The following PROM1 variants were observed in gnomAD, a reference collection of about 807,000 sequenced individuals.
PROM1 encodes prominin 1, also known as prominin-1.
In PROM1, 105 loss-of-function variants were observed where a neutral mutation model predicts 116.9. The observed-to-expected ratio is 0.90, with a 90% CI of 0.77 to 1.06. The LOEUF is 1.06. PROM1 is among the 50% of genes least tolerant of loss of function. The pLI, the probability that PROM1 is intolerant of heterozygous loss-of-function variation, is 0.00. For synonymous variants in PROM1, 393 were observed against 387.0 expected, an observed-to-expected ratio of 1.02 and a Z score of -0.18; for missense variants, 1,122 against 1,045.2, an observed-to-expected ratio of 1.07 and a Z score of -1.01.
intron 6 of PROM1, among the ~76,000 whole-genome samples, chr4:16,024,842 A>G (rs1730840018): frequency 6.6e-6 from 1 of 152,220 alleles, no homozygotes; most frequent in African/African-American, 2.4e-5. Context: ...TGTACAAGTG[A>G]TGGAAAGTTA....
intron 4 of PROM1, among the ~76,000 whole-genome samples, chr4:16,035,500 G>A (rs1390857135): frequency 6.6e-6 from 1 of 152,188 alleles, no homozygotes; most frequent in Non-Finnish European, 1.5e-5. Flanking sequence ...ACTAGACGAA[G>A]GCCTGTCACT....
chr4:15,999,485 A>T (rs935962703), intron 14 of PROM1, among the ~76,000 whole-genome samples: 2 of 151,604 alleles, frequency 1.3e-5, no homozygotes, highest in East Asian at 1.9e-4. Context: ...AAAAAAAAAA[A>T]TTCACACACT....
chr4:15,990,385 C>A (rs1232060641), intron 18 of PROM1, among the ~76,000 whole-genome samples: 1 of 152,184 alleles, frequency 6.6e-6, no homozygotes, highest in African/African-American at 2.4e-5. Context: ...TAGTCACCAA[C>A]CAGCAGAGGA....
chr4:15,986,708 G>T (rs1050839791), intron 20 of PROM1, among the ~76,000 whole-genome samples: 1 of 152,216 alleles, frequency 6.6e-6, no homozygotes, highest in Admixed American at 6.5e-5. Context: ...CCTGGCATGA[G>T]ACACACACCT....
intron 2 of PROM1, among the ~76,000 whole-genome samples, chr4:16,040,029 C>T (rs1734834718): frequency 6.6e-6 from 1 of 152,134 alleles, no homozygotes; most frequent in Non-Finnish European, 1.5e-5. Flanking sequence ...CTTCCCGCCA[C>T]CTGTACACTC....
intron 13 of PROM1, among the ~76,000 whole-genome samples, chr4:16,004,961 C>CTT (rs1725006337): frequency 1.3e-5 from 1 of 79,158 alleles, no homozygotes. Flanking sequence ...TTCTCGCTCT[C>CTT]TCTTTTTTTT....
chr4:15,999,892 C>A (rs1723319678), intron 14 of PROM1, among the ~76,000 whole-genome samples: 1 of 151,762 alleles, frequency 6.6e-6, no homozygotes, highest in Non-Finnish European at 1.5e-5. Context: ...CAGACACTTA[C>A]AACAAAATTT....
chr4:15,982,075 G>T (rs1033695692), intron 23 of PROM1, among the ~76,000 whole-genome samples: 2 of 152,230 alleles, frequency 1.3e-5, no homozygotes, highest in African/African-American at 4.8e-5. Flanking sequence ...GTCACGGGCT[G>T]AATGCCACTC....
chr4:16,054,803 C>T (rs945948109), intron 2 of PROM1, among the ~76,000 whole-genome samples: 1 of 152,146 alleles, frequency 6.6e-6, no homozygotes, highest in African/African-American at 2.4e-5. Flanking sequence ...TCTGCTGATG[C>T]TATTTCCCCA....
intron 2 of PROM1, among the ~76,000 whole-genome samples, chr4:16,059,336 C>G (rs1237213493): frequency 2.0e-5 from 3 of 152,168 alleles, no homozygotes; most frequent in Admixed American, 1.3e-4. Flanking sequence ...ATTCAGTGAG[C>G]TGTTTCTGCA....
intron 16 of PROM1, 91 bp downstream of exon 16, chr4:15,993,896 A>G (rs1270690358): frequency 3.9e-6 from 6 of 1,547,772 alleles, no homozygotes; most frequent in Non-Finnish European, 4.4e-6. Flanking sequence ...TATCTTTTGC[A>G]AATTTCATCT....
chr4:16,000,947 A>G (rs1413494989), intron 13 of PROM1, among the ~76,000 whole-genome samples: 1 of 152,022 alleles, frequency 6.6e-6, no homozygotes, highest in Non-Finnish European at 1.5e-5. Flanking sequence ...GGGCCTGGGG[A>G]CCCACGAGGG....
chr4:16,054,212 T>C (rs1486079497), intron 2 of PROM1, among the ~76,000 whole-genome samples: 2 of 152,258 alleles, frequency 1.3e-5, no homozygotes, highest in South Asian at 4.1e-4. Flanking sequence ...AATTATTCTT[T>C]TGGCCTCTCA....
At chr4:16,081,093 T>C (rs1744958103) in intron 1 of PROM1, among the ~76,000 whole-genome samples, 1 of 151,774 alleles carries the variant, frequency 6.6e-6, no homozygotes, top group Non-Finnish European at 1.5e-5. Context: ...CTTTAAGTTC[T>C]AGGGTACATG....
intron 8 of PROM1, among the ~76,000 whole-genome samples, chr4:16,021,804 G>A (rs559040246): frequency 2.6e-3 from 401 of 152,214 alleles, no homozygotes; most frequent in African/African-American, 9.4e-3. Flanking sequence ...TTGCTAGAAC[G>A]GGGTCTGAAT....
chr4:15,975,546 A>G (rs1284507984), intron 26 of PROM1, among the ~76,000 whole-genome samples: 4 of 152,122 alleles, frequency 2.6e-5, no homozygotes, highest in African/African-American at 9.7e-5. Context: ...CCCTCCTTCT[A>G]CAAGTGAGAA....
intron 26 of PROM1, among the ~76,000 whole-genome samples, chr4:15,978,987 GA>G (rs1560384654): frequency 6.7e-6 from 1 of 149,076 alleles, no homozygotes. Context: ...TGGAAGGAAG[GA>G]AAAAAGGAAG....
rs539526742 is a variant in PROM1, at chr4:16,033,834, G to A, written c.304-325C>T. On this transcript the variant is annotated intron_variant, in intron 4 of 27. Coordinates refer to ENST00000447510, the MANE Select transcript of PROM1 (RefSeq NM_006017.3). The stretch of plus-strand genomic sequence containing the variant: ...CAAAGTGCTGGGATTACAGGTGTAA[G>A]CCACCGCACCTGGCCATGTTTCATT... Among the ~76,000 whole-genome samples, 13 of 151,838 alleles carry A rather than the reference G, an allele frequency of 8.6e-5. No homozygotes were observed. The South Asian group carries it at 2.5e-3, about 29-fold the overall frequency.
In PROM1 at chr4:16,042,251, G is replaced by C. The variant is rs529438613; in HGVS notation, c.221-3250C>G. On this transcript the variant is annotated intron_variant, in intron 2 of 27. Coordinates refer to ENST00000447510, the MANE Select transcript of PROM1 (RefSeq NM_006017.3). ...AGTGCGTATCCACCACCATGAGCTT[G>C]ACAGCATTCCAGTACTTATGCCTTT... is the stretch of plus-strand genomic sequence containing the variant. Among the ~76,000 whole-genome samples, 8 of 152,342 alleles carry C rather than the reference G, an allele frequency of 5.3e-5. No homozygotes were observed. The South Asian group carries it at 1.5e-3, about 28-fold the overall frequency.
Sources: allele counts gnomAD v4.1 joint callset (sites outside exome capture counted in the v4.1 genomes callset), GRCh38; gene constraint gnomAD v4.1.1; transcripts MANE v1.5; gene names NCBI Gene and HGNC (gene_info 2026-07-23, HGNC 2026-07-21).